The following IP6K3 variants were observed in gnomAD, a reference collection of about 807,000 sequenced individuals.
IP6K3 encodes inositol hexakisphosphate kinase 3.
Under a neutral mutation model 28.8 loss-of-function variants are expected in IP6K3, and 20 were observed. The ratio of observed to expected loss-of-function variants is 0.70; its 90% CI spans 0.49 to 1.01. The LOEUF (loss-of-function observed/expected upper bound fraction) is 1.01. Among genes scored for constraint, IP6K3 ranks in the 50% least tolerant of loss-of-function variants. The probability of loss-of-function intolerance (pLI) is 0.00; values close to 1 mark genes in which losing one functional copy is unlikely to be tolerated. For synonymous variants in IP6K3, 213 were observed against 221.3 expected, an observed-to-expected ratio of 0.96 and a Z score of 0.33; for missense variants, 480 against 537.1, an observed-to-expected ratio of 0.89 and a Z score of 1.05.
At chr6:33,741,674 G>A (rs552173290) in intron 1 of IP6K3, among the ~76,000 whole-genome samples, 75 of 91,324 alleles carry the variant, frequency 8.2e-4, no homozygotes, top group Non-Finnish European at 1.2e-3. Flanking sequence ...AAAAAAAGCC[G>A]GGCACAGTGG....
intron 1 of IP6K3, among the ~76,000 whole-genome samples, chr6:33,738,157 C>T (rs1240603896): frequency 1.3e-5 from 2 of 152,078 alleles, no homozygotes; most frequent in East Asian, 2.0e-4. Context: ...GACCTGTCCC[C>T]AGGCAGAGAA....
At chr6:33,737,011 G>A (rs1346736841) in intron 1 of IP6K3, among the ~76,000 whole-genome samples, 2 of 152,312 alleles carry the variant, frequency 1.3e-5, no homozygotes, top group East Asian at 1.9e-4. Context: ...TGTAGGACAG[G>A]CAGGCCACTT....
chr6:33,735,557 C>A lies in IP6K3; in HGVS notation c.-81G>T. 2 of 1,549,030 alleles carry A rather than the reference C, an allele frequency of 1.3e-6. No individual in the cohort carries two copies. Among genetic ancestry groups the A allele is most frequent in the East Asian group, 2.3e-5 (1 of 42,884 alleles). Reference sequence around the variant, plus strand: ...AAGTAGAAAGGGCAGCTCCCAACAGCACACGGGGCTGTCAGCGGTCCTCAA... The same window carrying A: ...AAGTAGAAAGGGCAGCTCCCAACAGAACACGGGGCTGTCAGCGGTCCTCAA... On this transcript the variant is annotated 5_prime_UTR_variant, in exon 2 of 6. Coordinates refer to ENST00000293756, the MANE Select transcript of IP6K3 (RefSeq NM_054111.5).
chr6:33,726,323 G>A (rs529833833), intron 4 of IP6K3, among the ~76,000 whole-genome samples: 9 of 152,300 alleles, frequency 5.9e-5, no homozygotes, highest in Admixed American at 4.6e-4. Context: ...AGAATTTGGA[G>A]GGATGGAAGG....
At chr6:33,759,659 C>T in the IP6K3 span, among the ~76,000 whole-genome samples, 9 of 152,128 alleles carry the variant, frequency 5.9e-5, no homozygotes, top group African/African-American at 1.2e-4. Flanking sequence ...GTCAGGAGAT[C>T]GAGACCATCC....
chr6:33,745,576 G>A (rs915217267), intron 1 of IP6K3, among the ~76,000 whole-genome samples: 3 of 152,128 alleles, frequency 2.0e-5, no homozygotes, highest in Non-Finnish European at 2.9e-5. Context: ...GTGGGGGGTC[G>A]GGGGGCTGGC....
chr6:33,729,863 G>A (rs1208100195), intron 2 of IP6K3, among the ~76,000 whole-genome samples: 10 of 151,932 alleles, frequency 6.6e-5, no homozygotes, highest in Non-Finnish European at 1.2e-4. Flanking sequence ...ACAGGTGCCC[G>A]CCACTGCACC....
At chr6:33,741,396 C>G (rs905667912) in intron 1 of IP6K3, among the ~76,000 whole-genome samples, 1 of 152,134 alleles carries the variant, frequency 6.6e-6, no homozygotes, top group Non-Finnish European at 1.5e-5. Context: ...AATTCCAGCA[C>G]TGTAGGAGGC....
In IP6K3 at chr6:33,725,524, A is replaced by T. The variant is rs1290690993; in HGVS notation, c.682T>A (p.Ser228Thr). 1 of 1,614,144 alleles carries T rather than the reference A, an allele frequency of 6.2e-7. No homozygotes were observed. Among genetic ancestry groups the T allele is most frequent in the East Asian group, 2.2e-5 (1 of 44,886 alleles). The change falls in exon 5 of 6, where the codon TCG (serine) becomes ACG (threonine). Residue 228 changes from serine to threonine, a missense_variant. Coordinates refer to ENST00000293756, the MANE Select transcript of IP6K3 (RefSeq NM_054111.5). ...ATGTGGCGGGCCTTCTTCTCCTCCG[A>T]TGCATCATCGCCGTGCTGCCGGGTC... ...MGTRQHGDDA[S>T]EEKKARHMRK...
the IP6K3 span, among the ~76,000 whole-genome samples, chr6:33,757,355 T>G: frequency 6.6e-6 from 1 of 152,242 alleles, no homozygotes; most frequent in Non-Finnish European, 1.5e-5. Context: ...GCTGATGTTC[T>G]TGCCCTCTGC....
At chr6:33,738,763 C>T (rs1766618104) in intron 1 of IP6K3, among the ~76,000 whole-genome samples, 1 of 152,152 alleles carries the variant, frequency 6.6e-6, no homozygotes, top group Non-Finnish European at 1.5e-5. Context: ...GGAAATTGAG[C>T]CACAAGGAGG....
At chr6:33,757,138 T>C in the IP6K3 span, among the ~76,000 whole-genome samples, 1 of 152,244 alleles carries the variant, frequency 6.6e-6, no homozygotes, top group African/African-American at 2.4e-5. Flanking sequence ...CAACCCAGGC[T>C]GTGGCAGTTC....
Position 33,744,869 on chromosome 6 carries a change from A to C in IP6K3, c.-180+1889T>G, listed in dbSNP as rs1341038383. ...CTGCTTAACCAGGGTCAGGGGCTGA[A>C]GGGGAGGGGGTGGGAATGGGCTGGG... is the stretch of plus-strand genomic sequence containing the variant. On this transcript the variant is annotated intron_variant, in intron 1 of 5. Transcript: ENST00000293756. The surrounding 1 kb of genome is among the most constrained non-coding windows in gnomAD (Gnocchi z 4.4). Among the ~76,000 whole-genome samples, 1 of 150,308 alleles carries C rather than the reference A, an allele frequency of 6.7e-6. No homozygotes were observed. Among genetic ancestry groups the C allele is most frequent in the East Asian group, 2.0e-4 (1 of 5,006 alleles).
In IP6K3 at chr6:33,725,517, T is replaced by C; in HGVS notation, c.689A>G (p.Glu230Gly). The C allele has an allele frequency of 6.2e-7, 1 of 1,614,062 alleles. No homozygotes were observed. The highest frequency in any genetic ancestry group is 8.5e-7 in the Non-Finnish European group (1 of 1,180,030). ...TRQHGDDASE[E>G]KKARHMRKCA... is the part of the protein sequence containing the mutation. ...CTTCCTCATGTGGCGGGCCTTCTTCTCCTCCGATGCATCATCGCCGTGCTG... is the reference window on the plus strand; with the variant it reads ...CTTCCTCATGTGGCGGGCCTTCTTCCCCTCCGATGCATCATCGCCGTGCTG... Residue 230 changes from glutamate (E) to glycine (G), a missense_variant, in exon 5 of 6, where the codon GAG becomes GGG. Coordinates refer to ENST00000293756, the MANE Select transcript of IP6K3 (RefSeq NM_054111.5).
At chr6:33,741,119 C>A (rs1011327091) in intron 1 of IP6K3, among the ~76,000 whole-genome samples, 5 of 152,204 alleles carry the variant, frequency 3.3e-5, no homozygotes, top group African/African-American at 1.2e-4. Context: ...TCCCCCCATT[C>A]TCTTTCCCTG....
At chr6:33,759,447 C>T in the IP6K3 span, among the ~76,000 whole-genome samples, 2 of 152,322 alleles carry the variant, frequency 1.3e-5, no homozygotes, top group African/African-American at 4.8e-5. Flanking sequence ...TTGACCTGGT[C>T]TCAAACTCCT....
At chr6:33,728,480 G>T (rs545922332) in intron 2 of IP6K3, among the ~76,000 whole-genome samples, 180 bp from the exon 3 acceptor site, 3 of 152,228 alleles carry the variant, frequency 2.0e-5, no homozygotes, top group Non-Finnish European at 4.4e-5. Context: ...AACCGATCCT[G>T]TCCCAGAATG....
chr6:33,729,635 G>T lies in IP6K3; in HGVS notation c.200-1335C>A, dbSNP rs185083792. On this transcript the variant is annotated intron_variant, in intron 2 of 5. Coordinates refer to ENST00000293756, the MANE Select transcript of IP6K3 (RefSeq NM_054111.5). ...GTGGTGACAGCTTTCCAGTGTTGCTGGTCCCTGGGTCCCCCCAGTCCCTGG... is the reference window on the plus strand; with the variant it reads ...GTGGTGACAGCTTTCCAGTGTTGCTTGTCCCTGGGTCCCCCCAGTCCCTGG... Among the ~76,000 whole-genome samples, 1,437 of 152,240 alleles carry T rather than the reference G, an allele frequency of 9.4e-3. 11 individuals carry two copies. Among genetic ancestry groups the T allele is most frequent in the Non-Finnish European group, 0.014 (976 of 68,006 alleles).
the IP6K3 span, among the ~76,000 whole-genome samples, chr6:33,759,804 C>T: frequency 1.5e-4 from 22 of 151,098 alleles, no homozygotes; most frequent in South Asian, 2.1e-3. Context: ...ACCCAGGAGG[C>T]GGAGGTTGTA....
Sources: allele counts gnomAD v4.1 joint callset (sites outside exome capture counted in the v4.1 genomes callset), GRCh38; gene constraint gnomAD v4.1.1; non-coding constraint Gnocchi (gnomAD v3.1); transcripts MANE v1.5; gene names NCBI Gene and HGNC (gene_info 2026-07-23, HGNC 2026-07-21).